HS3ST3B1: variants seen among roughly 807,000 people sequenced by gnomAD.
The protein encoded by HS3ST3B1 is heparan sulfate-glucosamine 3-sulfotransferase 3B1, also known as heparan sulfate glucosamine 3-O-sulfotransferase 3B1.
A neutral mutation model predicts 21.3 loss-of-function variants in HS3ST3B1; 13 were observed. The observed-to-expected ratio is 0.61, with a 90% confidence interval of 0.40 to 0.97. The LOEUF (loss-of-function observed/expected upper bound fraction) is 0.97. Among genes scored for constraint, HS3ST3B1 ranks in the 50% least tolerant of loss-of-function variants. HS3ST3B1 has a pLI of 0.00. For synonymous variants in HS3ST3B1, 234 were observed against 254.8 expected, an observed-to-expected ratio of 0.92 and a Z score of 0.78; for missense variants, 459 against 554.8, an observed-to-expected ratio of 0.83 and a Z score of 1.73.
intron 1 of HS3ST3B1, among the ~76,000 whole-genome samples, chr17:14,313,052 C>A (rs1909360815): frequency 7.5e-6 from 1 of 134,132 alleles, no homozygotes; most frequent in African/African-American, 2.9e-5. Flanking sequence ...TTACAGACGC[C>A]CACCACACCA....
chr17:14,330,239 G>A (rs77979516), intron 1 of HS3ST3B1, among the ~76,000 whole-genome samples: 4,187 of 152,250 alleles, frequency 0.028, 186 homozygotes, highest in African/African-American at 0.087. Flanking sequence ...AATATTTATA[G>A]AGGTTCTACT....
At chr17:14,344,990 C>G (rs763201987) in intron 1 of HS3ST3B1, 38 bp from the exon 2 acceptor site, 1 of 1,594,536 alleles carries the variant, frequency 6.3e-7, no homozygotes, top group South Asian at 1.1e-5. Context: ...AGAGAGGCGT[C>G]ACCTTCTGAT....
rs541768683 is a variant in HS3ST3B1 at position 14,337,736 on chromosome 17, G to A, written c.555-7292G>A. 2.4e-4 allele frequency among the ~76,000 whole-genome samples: 36 copies of A among 151,644 alleles called. 2 individuals are homozygous for A. Among genetic ancestry groups the A allele is most frequent in the African/African-American group, 7.8e-4 (32 of 41,050 alleles). ...GGAGGTGATCTACAGGCAGCTGAGC[G>A]TGTGACCTTCACTCCTCTAGCCATG... On this transcript the variant is annotated intron_variant, in intron 1 of 1. Coordinates refer to ENST00000360954, the MANE Select transcript of HS3ST3B1 (RefSeq NM_006041.3).
At chr17:14,302,211 C>A in intron 1 of HS3ST3B1, 139 bp downstream of exon 1, 2 of 1,044,804 alleles carry the variant, frequency 1.9e-6, no homozygotes, top group South Asian at 3.3e-5. Flanking sequence ...CGGCAGATTG[C>A]GCAGCGCATC....
In HS3ST3B1 at chr17:14,302,023, G is replaced by A. The variant is rs1339763010; in HGVS notation, c.505G>A (p.Glu169Lys). 2 of 1,608,260 alleles carry A rather than the reference G, an allele frequency of 1.2e-6. No individual in the cohort carries two copies. The highest frequency in any genetic ancestry group is 1.7e-6 in the Non-Finnish European group (2 of 1,179,264). The change falls in exon 1 of 2, where the codon GAG (glutamate) becomes AAG (lysine). Residue 169 changes from glutamate (E) to lysine (K), a missense_variant. By Grantham distance (56) the Glu-to-Lys change is moderately conservative (BLOSUM62 1). Transcript: ENST00000360954. ...CCCCGACGTGCGCGCCGTGGGCGCCGAGCCCCATTTCTTCGATCGCAGCTA... is the reference window on the plus strand; with the variant it reads ...CCCCGACGTGCGCGCCGTGGGCGCCAAGCCCCATTTCTTCGATCGCAGCTA... ...VHPDVRAVGAEPHFFDRSYDK... is the reference protein window; with the variant it reads ...VHPDVRAVGAKPHFFDRSYDK...
At chr17:14,319,132 G>T (rs1909583408) in intron 1 of HS3ST3B1, among the ~76,000 whole-genome samples, 2 of 152,218 alleles carry the variant, frequency 1.3e-5, no homozygotes, top group African/African-American at 4.8e-5. Context: ...AGCGGTCTGG[G>T]CTGCAGGTAA....
rs201658101 is a variant in HS3ST3B1 at position 14,345,094 on chromosome 17, G to A, written c.621G>A (p.Thr207=). Residue 207 remains threonine, a synonymous_variant, in exon 2 of 2, where the codon ACG becomes ACA. Transcript: ENST00000360954. ...TMEKTPSYFV[T]REAPARISAM... is the part of the protein sequence containing the mutation. ...AGAAGACGCCCAGTTACTTCGTCAC[G>A]CGGGAGGCCCCTGCGCGCATCTCGG... 3.8e-6 allele frequency: 6 copies of A among 1,571,604 alleles called. No individual in the cohort carries two copies. Among genetic ancestry groups the A allele is most frequent in the East Asian group, 2.2e-5 (1 of 44,520 alleles).
intron 1 of HS3ST3B1, among the ~76,000 whole-genome samples, chr17:14,311,054 A>G (rs575582880): frequency 5.5e-4 from 83 of 152,134 alleles, no homozygotes; most frequent in African/African-American, 2.0e-3. Flanking sequence ...ATTCGTATAA[A>G]TCATGTTTAC....
At chr17:14,310,240 G>T (rs1201865547) in intron 1 of HS3ST3B1, among the ~76,000 whole-genome samples, 2 of 152,082 alleles carry the variant, frequency 1.3e-5, no homozygotes, top group African/African-American at 4.8e-5. Context: ...CGAGTGGCAC[G>T]CCCCCTCCCC....
chr17:14,311,101 T>G (rs1909290458), intron 1 of HS3ST3B1, among the ~76,000 whole-genome samples: 1 of 152,008 alleles, frequency 6.6e-6, no homozygotes, highest in African/African-American at 2.4e-5. Flanking sequence ...TTTTTTTTTT[T>G]TAAGACAGGG....
chr17:14,334,971 G>T (rs1241037601), intron 1 of HS3ST3B1, among the ~76,000 whole-genome samples: 1 of 152,100 alleles, frequency 6.6e-6, no homozygotes, highest in Non-Finnish European at 1.5e-5. Flanking sequence ...GAGTGGGGAG[G>T]GGGGAAATCT....
chr17:14,325,452 G>A (rs1272403191), intron 1 of HS3ST3B1, among the ~76,000 whole-genome samples: 2 of 152,136 alleles, frequency 1.3e-5, no homozygotes, highest in African/African-American at 4.8e-5. Flanking sequence ...TGAGTAGGAG[G>A]TAGAGAAAAA....
chr17:14,311,232 C>A (rs1333593532), intron 1 of HS3ST3B1, among the ~76,000 whole-genome samples: 2 of 100,868 alleles, frequency 2.0e-5, no homozygotes, highest in Admixed American at 1.3e-4. Flanking sequence ...CCATGCCTGG[C>A]TAATTAAAAA....
chr17:14,323,565 A>G (rs991855548), intron 1 of HS3ST3B1, among the ~76,000 whole-genome samples: 1 of 150,612 alleles, frequency 6.6e-6, no homozygotes, highest in East Asian at 2.0e-4. Context: ...TTTAACCGTC[A>G]TGTTTTATGT....
chr17:14,301,411 G>A lies in HS3ST3B1; in HGVS notation c.-108G>A. The A allele has an allele frequency of 9.5e-7, 1 of 1,050,096 alleles. No homozygotes were observed. The highest frequency in any genetic ancestry group is 1.3e-6 in the Non-Finnish European group (1 of 790,120). 65.0% of individuals were successfully genotyped at this position (1,050,096 alleles called of 1,614,324 possible). A position where few individuals can be genotyped will look rare whatever the true frequency, so the allele number is the denominator to read the frequency against. ...CGCGGGCACACGGGGGCAATAAACC[G>A]AGCCACCCGGGCGTCCAGCGTGCCG... On this transcript the variant is annotated 5_prime_UTR_variant, in exon 1 of 2. Transcript: ENST00000360954.
chr17:14,334,781 C>A (rs973972434), intron 1 of HS3ST3B1, among the ~76,000 whole-genome samples: 2 of 152,074 alleles, frequency 1.3e-5, no homozygotes, highest in African/African-American at 4.8e-5. Context: ...TCTCTTTATG[C>A]CCCTCACCCA....
chr17:14,331,907 A>C (rs1050923187), intron 1 of HS3ST3B1, among the ~76,000 whole-genome samples: 1 of 152,160 alleles, frequency 6.6e-6, no homozygotes, highest in Non-Finnish European at 1.5e-5. Flanking sequence ...AAGGAGTGGC[A>C]GGGCTGATAC....
chr17:14,314,787 A>C (rs1429861315), intron 1 of HS3ST3B1, among the ~76,000 whole-genome samples: 1 of 152,146 alleles, frequency 6.6e-6, no homozygotes, highest in Non-Finnish European at 1.5e-5. Flanking sequence ...CACACTGGGC[A>C]GCTTCTCTCA....
At chr17:14,319,171 A>C (rs1281144104) in intron 1 of HS3ST3B1, among the ~76,000 whole-genome samples, 1 of 152,196 alleles carries the variant, frequency 6.6e-6, no homozygotes, top group Non-Finnish European at 1.5e-5. Flanking sequence ...TGCAAGCTCA[A>C]GTATAGTGGT....
Sources: gnomAD v4.1 joint callset for allele counts (sites outside exome capture counted in the v4.1 genomes callset) on GRCh38, gnomAD v4.1.1 for gene constraint, MANE v1.5 for transcripts, NCBI Gene and HGNC (gene_info 2026-07-23, HGNC 2026-07-21) for gene names.